Variants in IMMP2L observed in about 807,000 individuals in gnomAD.
IMMP2L encodes inner mitochondrial membrane peptidase subunit 2, also known as mitochondrial inner membrane protease subunit 2.
In IMMP2L, 18 loss-of-function variants were observed where a neutral mutation model predicts 19.3. The ratio of observed to expected loss-of-function variants is 0.93; its 90% CI spans 0.64 to 1.38. IMMP2L has a LOEUF of 1.38. Among genes scored for constraint, IMMP2L ranks in the 40% most tolerant of loss-of-function variants. IMMP2L has a pLI of 0.00. For missense variants in IMMP2L, 233 were observed against 218.2 expected (o/e 1.07, Z -0.43); for synonymous variants, 76 against 73.0 (o/e 1.04, Z -0.21).
intron 5 of IMMP2L, among the ~76,000 whole-genome samples, chr7:110,820,962 C>T (rs1802973085): frequency 6.6e-6 from 1 of 152,068 alleles, no homozygotes; most frequent in South Asian, 2.1e-4. Flanking sequence ...ATGACAAATG[C>T]TTATGATGTT....
chr7:111,108,563 G>C (rs1205681370), intron 3 of IMMP2L, among the ~76,000 whole-genome samples: 3 of 152,002 alleles, frequency 2.0e-5, no homozygotes, highest in Non-Finnish European at 4.4e-5. Flanking sequence ...CCTCACAACA[G>C]ATTTATTCGA....
In IMMP2L at chr7:111,353,221, C is replaced by A. The variant is rs564938943; in HGVS notation, c.239+134017G>T. Among the ~76,000 whole-genome samples, 5 of 152,232 alleles carry A rather than the reference C, an allele frequency of 3.3e-5. No individual in the cohort carries two copies. In the East Asian group the frequency reaches 9.7e-4, roughly 29 times the overall value. ...TGGCTTTCACCTGGAGAGTGAAGCA[C>A]AAATCTCCAATGCTCAAATCTTCAA... is the stretch of plus-strand genomic sequence containing the variant. On this transcript the variant is annotated intron_variant, in intron 3 of 5. Transcript: ENST00000405709.
chr7:111,047,533 G>T (rs2396302), intron 3 of IMMP2L, among the ~76,000 whole-genome samples: 142,220 of 152,222 alleles, frequency 0.93, 66,695 homozygotes, highest in East Asian at 0.99. Context: ...TGGATTTCAA[G>T]ATACAACCTT....
intron 5 of IMMP2L, among the ~76,000 whole-genome samples, chr7:110,794,957 T>A (rs112539805): frequency 2.0e-5 from 3 of 152,018 alleles, no homozygotes; most frequent in Non-Finnish European, 4.4e-5. Context: ...TAGTTAGCAA[T>A]TGGGCCTGGT....
rs191835567 is a variant in IMMP2L at position 110,918,020 on chromosome 7, C to T, written c.306-31325G>A. Among the ~76,000 whole-genome samples the T allele has an allele frequency of 9.9e-4, 151 of 152,282 alleles. 1 individual carries two copies. Among genetic ancestry groups the T allele is most frequent in the Non-Finnish European group, 1.5e-4 (10 of 68,026 alleles). On this transcript the variant is annotated intron_variant, in intron 4 of 5. Coordinates refer to ENST00000405709, the MANE Select transcript of IMMP2L (RefSeq NM_032549.4). Reference sequence around the variant, plus strand: ...CCTAAGTCTCCCACCTTCTACTTCACTTTCAATCATCCACTTTACCACCAA... The same window carrying T: ...CCTAAGTCTCCCACCTTCTACTTCATTTTCAATCATCCACTTTACCACCAA...
chr7:111,398,534 A>G (rs1833099120), intron 3 of IMMP2L, among the ~76,000 whole-genome samples: 1 of 152,082 alleles, frequency 6.6e-6, no homozygotes, highest in Non-Finnish European at 1.5e-5. Flanking sequence ...AATGGGGAAA[A>G]GTTGAAAGCA....
At chr7:111,182,417 A>G (rs907030529) in intron 3 of IMMP2L, among the ~76,000 whole-genome samples, 1 of 151,970 alleles carries the variant, frequency 6.6e-6, no homozygotes, top group African/African-American at 2.4e-5. Flanking sequence ...GTTGCCTCAG[A>G]GCCCAGTCCC....
chr7:111,481,150 T>C (rs1203240126), intron 3 of IMMP2L, among the ~76,000 whole-genome samples: 2 of 152,154 alleles, frequency 1.3e-5, no homozygotes, highest in Non-Finnish European at 2.9e-5. Flanking sequence ...ATGCACACTG[T>C]ATGTTCATAA....
intron 1 of IMMP2L, among the ~76,000 whole-genome samples, chr7:111,541,516 C>G (rs1161682951): frequency 6.6e-6 from 1 of 152,112 alleles, no homozygotes; most frequent in Non-Finnish European, 1.5e-5. Flanking sequence ...TTATACTGGT[C>G]ACTAGGAAGG....
chr7:111,514,756 C>G (rs930808374), intron 2 of IMMP2L, among the ~76,000 whole-genome samples: 4 of 151,990 alleles, frequency 2.6e-5, no homozygotes, highest in Admixed American at 1.3e-4. Flanking sequence ...CATCTGTAAC[C>G]CTTCTACTTT....
chr7:111,355,505 T>C (rs1486278181), intron 3 of IMMP2L, among the ~76,000 whole-genome samples: 3 of 151,734 alleles, frequency 2.0e-5, no homozygotes, highest in Non-Finnish European at 4.4e-5. Context: ...TAATTTCAGA[T>C]ATTTTTTCAA....
intron 5 of IMMP2L, among the ~76,000 whole-genome samples, chr7:110,679,830 C>T (rs1468547447): frequency 6.6e-6 from 1 of 152,186 alleles, no homozygotes; most frequent in Non-Finnish European, 1.5e-5. Context: ...AAAGTAACAA[C>T]TACAAAGACC....
intron 5 of IMMP2L, among the ~76,000 whole-genome samples, chr7:110,790,962 G>T (rs1446670526): frequency 6.6e-6 from 1 of 151,428 alleles, no homozygotes; most frequent in Non-Finnish European, 1.5e-5. Flanking sequence ...CATACAGATG[G>T]CCTAACTGGG....
chr7:110,791,914 C>G (rs562882337), intron 5 of IMMP2L, among the ~76,000 whole-genome samples: 1 of 151,940 alleles, frequency 6.6e-6, no homozygotes, highest in African/African-American at 2.4e-5. Context: ...TGGAGAGAAG[C>G]AGGGGCATGT....
chr7:110,903,643 A>T (rs1012064299), intron 4 of IMMP2L, among the ~76,000 whole-genome samples: 1 of 152,038 alleles, frequency 6.6e-6, no homozygotes, highest in Admixed American at 6.6e-5. Flanking sequence ...CATTTTCTTT[A>T]TCCATTCACC....
intron 3 of IMMP2L, among the ~76,000 whole-genome samples, chr7:111,240,679 G>C (rs1165731161): frequency 6.6e-6 from 1 of 151,786 alleles, no homozygotes; most frequent in South Asian, 2.1e-4. Context: ...TTTTTGTTGC[G>C]GTCAAGTATG....
rs147356365 is a variant in IMMP2L, at chr7:110,991,079, T to A, written c.240-27514A>T. On this transcript the variant is annotated intron_variant, in intron 3 of 5. Coordinates refer to ENST00000405709, the MANE Select transcript of IMMP2L (RefSeq NM_032549.4). ...CTGGATTAGCACAAATCCTATGAGC[T>A]GTTTACATAGTACTGGTATTTCAAA... Among the ~76,000 whole-genome samples the A allele has an allele frequency of 1.6e-3, 246 of 152,306 alleles. 2 individuals carry two copies. Among genetic ancestry groups the A allele is most frequent in the East Asian group, 0.014 (70 of 5,182 alleles).
chr7:111,091,089 T>C (rs998544847), intron 3 of IMMP2L: 1 of 151,782 alleles, frequency 6.6e-6, no homozygotes, highest in South Asian at 2.1e-4. Flanking sequence ...GAGTGGAGGG[T>C]GTTCAGTTAT....
chr7:111,403,972 A>AC (rs892738301), intron 3 of IMMP2L, among the ~76,000 whole-genome samples: 6 of 151,576 alleles, frequency 4.0e-5, no homozygotes, highest in African/African-American at 1.2e-4. Context: ...ACTTGGAACA[A>AC]CCCCCCCACA....
Sources: gnomAD v4.1 joint callset for allele counts (sites outside exome capture counted in the v4.1 genomes callset) on GRCh38, gnomAD v4.1.1 for gene constraint, MANE v1.5 for transcripts, NCBI Gene and HGNC (gene_info 2026-07-23, HGNC 2026-07-21) for gene names.